SPECC1: variants seen among roughly 807,000 people sequenced by gnomAD.
The protein encoded by SPECC1 is sperm antigen with calponin homology and coiled-coil domains 1, also known as cytospin-B.
Under a neutral mutation model 104.1 loss-of-function variants are expected in SPECC1, and 62 were observed. That is an observed-to-expected ratio of 0.60 (90% CI 0.49 to 0.74). SPECC1 has a LOEUF of 0.74. Ranked by LOEUF, SPECC1 falls within the 30% of genes least tolerant of loss-of-function variation. The pLI is 0.00. For missense variants in SPECC1, 1,306 were observed against 1,310.5 expected, an observed-to-expected ratio of 1.00 and a Z score of 0.05; for synonymous variants, 513 against 501.6, an observed-to-expected ratio of 1.02 and a Z score of -0.30.
chr17:20,215,514 T>C (rs934501057), intron 4 of SPECC1, among the ~76,000 whole-genome samples: 1 of 152,220 alleles, frequency 6.6e-6, no homozygotes, highest in Non-Finnish European at 1.5e-5. Context: ...CTGTACAACT[T>C]TAATGTTACT....
chr17:20,158,089 T>G (rs964608143), intron 3 of SPECC1, among the ~76,000 whole-genome samples: 1 of 152,192 alleles, frequency 6.6e-6, no homozygotes, highest in Non-Finnish European at 1.5e-5. Context: ...TAGAGCTTTG[T>G]TAAAGATGCG....
At chr17:20,305,988 T>C in intron 13 of SPECC1, 35 bp from the exon 14 acceptor site, 1 of 1,592,780 alleles carries the variant, frequency 6.3e-7, no homozygotes, top group Non-Finnish European at 8.6e-7. Context: ...ATATTTTAAA[T>C]TACTGATTCC....
intron 3 of SPECC1, among the ~76,000 whole-genome samples, chr17:20,147,442 G>A (rs968819828): frequency 3.3e-5 from 5 of 152,038 alleles, no homozygotes; most frequent in African/African-American, 9.7e-5. Flanking sequence ...AAAAATTATT[G>A]TTAATATTTT....
chr17:20,208,155 A>G (rs369303278), intron 4 of SPECC1, among the ~76,000 whole-genome samples: 1 of 152,372 alleles, frequency 6.6e-6, no homozygotes, highest in African/African-American at 2.4e-5. Flanking sequence ...GTTATTATTC[A>G]TGTATCCTAC....
intron 12 of SPECC1, among the ~76,000 whole-genome samples, chr17:20,279,372 G>T (rs2040686920): frequency 6.8e-6 from 1 of 147,392 alleles, no homozygotes; most frequent in Non-Finnish European, 1.5e-5. Context: ...GCCCAGGCTG[G>T]AGTGCAATGG....
In SPECC1 at chr17:20,204,957, AC is replaced by A. The variant is rs1195575661; in HGVS notation, c.909del (p.Asn303LysfsTer63). 12 of 1,614,066 alleles carry A rather than the reference AC, an allele frequency of 7.4e-6. No individual in the cohort carries two copies. Among genetic ancestry groups the A allele is most frequent in the East Asian group, 2.2e-5 (1 of 44,900 alleles). On this transcript the variant is annotated frameshift_variant, in exon 4 of 15. Transcript: ENST00000395527. LOFTEE classifies it high-confidence loss of function. The part of the protein sequence containing the change: ...MSSDIDEYKK[N>X]IHGNALRTSG... ...AGTGACATTGATGAGTATAAAAAAA[AC>A]ATACATGGAAATGCATTACGGACAT...
chr17:20,052,167 A>G (rs972266997), intron 1 of SPECC1, among the ~76,000 whole-genome samples: 4 of 152,186 alleles, frequency 2.6e-5, no homozygotes, highest in African/African-American at 9.7e-5. Flanking sequence ...ATTAGTTTCA[A>G]TATCATGTGC....
At chr17:20,049,954 A>AT (rs1446453826) in intron 1 of SPECC1, among the ~76,000 whole-genome samples, 6 of 152,170 alleles carry the variant, frequency 3.9e-5, no homozygotes, top group Non-Finnish European at 7.4e-5. Context: ...AGTAGCTGGG[A>AT]TTACAGGCAT....
chr17:20,097,649 C>G (rs2047716819), intron 2 of SPECC1, among the ~76,000 whole-genome samples: 1 of 152,174 alleles, frequency 6.6e-6, no homozygotes, highest in Non-Finnish European at 1.5e-5. Flanking sequence ...CTGAACCAAG[C>G]ATGGTGCCGG....
intron 3 of SPECC1, among the ~76,000 whole-genome samples, chr17:20,202,582 A>G (rs1202407081): frequency 1.3e-5 from 2 of 152,098 alleles, no homozygotes; most frequent in African/African-American, 2.4e-5. Context: ...CTGCAAATGT[A>G]TTTCCTCTTC....
intron 12 of SPECC1, among the ~76,000 whole-genome samples, chr17:20,262,338 G>A (rs1041952094): frequency 1.3e-5 from 2 of 152,184 alleles, no homozygotes; most frequent in African/African-American, 2.4e-5. Context: ...GAATTCCTGG[G>A]CCATAGGGTA....
chr17:20,095,741 G>A (rs1240306498), intron 1 of SPECC1: 1 of 152,530 alleles, frequency 6.6e-6, no homozygotes, highest in Non-Finnish European at 1.5e-5. Context: ...GTTTTGTAAA[G>A]TGCATTTCTG....
rs375583726 is a variant in SPECC1, at chr17:20,257,599, C to A, written c.2829C>A (p.Ser943Arg). 1.9e-6 allele frequency: 3 copies of A among 1,612,092 alleles called. No individual in the cohort carries two copies. In the African/African-American group the frequency reaches 4.0e-5, roughly 22 times the overall value. ...CCACCCGGGCATGGAAACCACAAAG[C>A]AAACTCAGGTATCGTGTTTCAAACA... ...SASTRAWKPQ[S>R]KLSVERKDPL... The change falls in exon 11 of 15, where the codon AGC becomes AGA. Residue 943 changes from serine (S) to arginine (R), a missense_variant. By Grantham distance (110) the Ser-to-Arg change is moderately radical. Transcript: ENST00000395527.
At chr17:20,281,446 A>AACCATGGTAGG (rs2040768484) in intron 12 of SPECC1, among the ~76,000 whole-genome samples, 1 of 152,118 alleles carries the variant, frequency 6.6e-6, no homozygotes, top group African/African-American at 2.4e-5. Flanking sequence ...AGCATGGGTG[A>AACCATGGTAGG]ACCATGGTAG....
At chr17:20,085,741 C>T (rs1425543106) in intron 1 of SPECC1, among the ~76,000 whole-genome samples, 1 of 152,228 alleles carries the variant, frequency 6.6e-6, no homozygotes, top group Non-Finnish European at 1.5e-5. Flanking sequence ...AGTGATTTAA[C>T]TTAATCTGGC....
chr17:20,153,143 T>C (rs1456377716), intron 3 of SPECC1, among the ~76,000 whole-genome samples: 1 of 152,196 alleles, frequency 6.6e-6, no homozygotes, highest in Non-Finnish European at 1.5e-5. Flanking sequence ...GAATAAGCAT[T>C]TGCCAGGCAG....
intron 12 of SPECC1, among the ~76,000 whole-genome samples, chr17:20,260,951 A>C (rs181998636): frequency 2.0e-5 from 3 of 152,260 alleles, no homozygotes; most frequent in African/African-American, 7.2e-5. Flanking sequence ...CTTCCCTGAG[A>C]TGAGGACATT....
intron 3 of SPECC1, among the ~76,000 whole-genome samples, chr17:20,131,261 G>A (rs7223984): frequency 0.07 from 10,707 of 151,940 alleles, 535 homozygotes; most frequent in African/African-American, 0.14. Context: ...GCATGATCTC[G>A]GCTCACTGCA....
chr17:20,241,083 T>A (rs1024261118), intron 7 of SPECC1, among the ~76,000 whole-genome samples: 1 of 152,250 alleles, frequency 6.6e-6, no homozygotes, highest in African/African-American at 2.4e-5. Context: ...GCTTCTGATC[T>A]TCTTCTCATG....
Sources: gnomAD v4.1 joint callset for allele counts (sites outside exome capture counted in the v4.1 genomes callset) on GRCh38, gnomAD v4.1.1 for gene constraint, MANE v1.5 for transcripts, NCBI Gene and HGNC (gene_info 2026-07-23, HGNC 2026-07-21) for gene names.